Variants in SPAG16 observed in about 807,000 individuals in gnomAD.
The protein encoded by SPAG16 is sperm-associated antigen 16 protein.
A neutral mutation model predicts 80.4 loss-of-function variants in SPAG16; 86 were observed. That is an observed-to-expected ratio of 1.07 (90% CI 0.90 to 1.28). The LOEUF is 1.28. Ranked by LOEUF, SPAG16 falls within the 50% of genes most tolerant of loss-of-function variation. The pLI, the probability that SPAG16 is intolerant of heterozygous loss-of-function variation, is 0.00. For missense variants in SPAG16, 870 were observed against 765.3 expected (o/e 1.14, Z -1.61); for synonymous variants, 294 against 265.9 (o/e 1.11, Z -1.03).
chr2:214,387,522 C>A (rs1042376258), intron 15 of SPAG16, among the ~76,000 whole-genome samples: 1 of 152,026 alleles, frequency 6.6e-6, no homozygotes, highest in Non-Finnish European at 1.5e-5. Context: ...TTCTAAATAC[C>A]TTTTGGTGCT....
intron 15 of SPAG16, among the ~76,000 whole-genome samples, chr2:214,162,347 G>A (rs2056473463): frequency 6.6e-6 from 1 of 152,090 alleles, no homozygotes; most frequent in African/African-American, 2.4e-5. Context: ...TTGACCATAA[G>A]AAGGTCATAG....
chr2:213,636,836 A>T (rs930665961), intron 10 of SPAG16, among the ~76,000 whole-genome samples: 3 of 152,196 alleles, frequency 2.0e-5, no homozygotes, highest in Non-Finnish European at 4.4e-5. Flanking sequence ...TTCATTTATC[A>T]TATCTTGGAG....
At chr2:214,262,647 T>G (rs922847361) in intron 15 of SPAG16, among the ~76,000 whole-genome samples, 19 of 152,172 alleles carry the variant, frequency 1.2e-4, no homozygotes, top group Admixed American at 2.6e-4. Context: ...TTTTTCTGTA[T>G]CCTTCATCTC....
intron 10 of SPAG16, among the ~76,000 whole-genome samples, chr2:213,827,316 G>C (rs192717566): frequency 8.0e-4 from 121 of 151,446 alleles, no homozygotes; most frequent in Non-Finnish European, 1.4e-3. Flanking sequence ...TTAATTTCTT[G>C]CATCTTATTT....
At chr2:213,546,143 A>G (rs2125928779) in intron 10 of SPAG16, among the ~76,000 whole-genome samples, 1 of 152,202 alleles carries the variant, frequency 6.6e-6, no homozygotes, top group East Asian at 1.9e-4. Flanking sequence ...TGCTTCTTAA[A>G]CAGACTAGTC....
rs572444832 is a variant in SPAG16, at chr2:213,944,855, G to A, written c.1400+14710G>A. Among the ~76,000 whole-genome samples, 23 of 152,132 alleles carry A rather than the reference G, an allele frequency of 1.5e-4. No individual in the cohort carries two copies. In the East Asian group the frequency reaches 2.3e-3, roughly 15 times the overall value. On this transcript the variant is annotated intron_variant, in intron 12 of 15. Coordinates refer to ENST00000331683, the MANE Select transcript of SPAG16 (RefSeq NM_024532.5). Reference sequence around the variant, plus strand: ...TTTATAAAAAGAGACATGAGATGGCGAAACCCCGTGTCTACTAAAAATACA... The same window carrying A: ...TTTATAAAAAGAGACATGAGATGGCAAAACCCCGTGTCTACTAAAAATACA...
At chr2:214,072,553 A>T (rs2050839040) in intron 13 of SPAG16, among the ~76,000 whole-genome samples, 1 of 152,122 alleles carries the variant, frequency 6.6e-6, no homozygotes, top group Admixed American at 6.6e-5. Flanking sequence ...TAGACTAGGG[A>T]ATCTGTTTAG....
At chr2:214,011,317 CAG>C (rs753786052) in intron 12 of SPAG16, among the ~76,000 whole-genome samples, 2 of 146,112 alleles carry the variant, frequency 1.4e-5, no homozygotes, top group Non-Finnish European at 3.0e-5. Context: ...GTACATAAAA[CAG>C]TAATTTTTTA....
chr2:213,596,829 G>C (rs2060898236), intron 10 of SPAG16, among the ~76,000 whole-genome samples: 1 of 152,058 alleles, frequency 6.6e-6, no homozygotes, highest in Admixed American at 6.6e-5. Flanking sequence ...CCTTCAGTAT[G>C]AATCTGTAGT....
intron 12 of SPAG16, among the ~76,000 whole-genome samples, chr2:213,949,179 T>TTTTTTTTTTTTTTTTTTGTTTTTTTG (rs1553677674): frequency 4.4e-4 from 16 of 36,260 alleles, no homozygotes; most frequent in Non-Finnish European, 4.9e-4. Flanking sequence ...GTTTTTTTTT[T>TTTTTTTTTTTTTTTTTTGTTTTTTTG]TTTTTTTTTT....
At chr2:213,917,604 T>G (rs1004423127) in intron 11 of SPAG16, among the ~76,000 whole-genome samples, 1 of 152,236 alleles carries the variant, frequency 6.6e-6, no homozygotes, top group African/African-American at 2.4e-5. Context: ...GAAATGCTAG[T>G]GATTTTTGTA....
chr2:214,179,285 AT>A (rs896398608), intron 15 of SPAG16, among the ~76,000 whole-genome samples: 43 of 149,360 alleles, frequency 2.9e-4, no homozygotes, highest in Admixed American at 9.4e-4. Flanking sequence ...AGTTGGTATA[AT>A]TTTTTTTTTC....
At chr2:213,333,952 A>T (rs2064225195) in intron 5 of SPAG16, among the ~76,000 whole-genome samples, 1 of 152,208 alleles carries the variant, frequency 6.6e-6, no homozygotes, top group Non-Finnish European at 1.5e-5. Flanking sequence ...GCATCCAAAG[A>T]AAATAATGGA....
chr2:214,007,248 AT>A (rs147063799), intron 12 of SPAG16, among the ~76,000 whole-genome samples: 9 of 151,608 alleles, frequency 5.9e-5, no homozygotes, highest in Admixed American at 2.0e-4. Flanking sequence ...TGGTATATGA[AT>A]TTTTTTTTAA....
intron 10 of SPAG16, among the ~76,000 whole-genome samples, chr2:213,790,411 A>G (rs2070619095): frequency 6.6e-6 from 1 of 151,950 alleles, no homozygotes; most frequent in Non-Finnish European, 1.5e-5. Context: ...ACTAGCTTCA[A>G]TGTTCTCCAT....
intron 11 of SPAG16, among the ~76,000 whole-genome samples, chr2:213,872,764 T>C (rs1053599492): frequency 1.3e-5 from 2 of 152,152 alleles, no homozygotes; most frequent in African/African-American, 4.8e-5. Context: ...AGTTTATTTC[T>C]ATTTCTAGTC....
At chr2:213,747,491 T>G (rs1411221369) in intron 10 of SPAG16, among the ~76,000 whole-genome samples, 2 of 152,244 alleles carry the variant, frequency 1.3e-5, no homozygotes, top group Non-Finnish European at 2.9e-5. Context: ...ATTGCAGTCC[T>G]GTAGGCACCA....
chr2:213,584,076 A>G lies in SPAG16; in HGVS notation c.1070+93986A>G, dbSNP rs572180861. Among the ~76,000 whole-genome samples the G allele has an allele frequency of 2.0e-5, 3 of 152,344 alleles. No individual in the cohort carries two copies. In the East Asian group the frequency reaches 5.8e-4, roughly 29 times the overall value. ...TATCTTTGAAACTAGGAGTTATGTGACAACCAAGTTCTGATGTCCTTATAA... is the reference window on the plus strand; with the variant it reads ...TATCTTTGAAACTAGGAGTTATGTGGCAACCAAGTTCTGATGTCCTTATAA... On this transcript the variant is annotated intron_variant, in intron 10 of 15. Coordinates refer to ENST00000331683, the MANE Select transcript of SPAG16 (RefSeq NM_024532.5).
chr2:213,749,713 T>G (rs2067996462), intron 10 of SPAG16, among the ~76,000 whole-genome samples: 1 of 152,236 alleles, frequency 6.6e-6, no homozygotes, highest in South Asian at 2.1e-4. Flanking sequence ...TATTGAATCT[T>G]ACCTAGATAT....
Sources: allele counts gnomAD v4.1 joint callset (sites outside exome capture counted in the v4.1 genomes callset), GRCh38; gene constraint gnomAD v4.1.1; transcripts MANE v1.5; gene names NCBI Gene and HGNC (gene_info 2026-07-23, HGNC 2026-07-21).